LYPLA1: variants seen among roughly 807,000 people sequenced by gnomAD.
LYPLA1 encodes the protein acyl-protein thioesterase 1.
A neutral mutation model predicts 34.0 loss-of-function variants in LYPLA1; 17 were observed. The observed-to-expected ratio is 0.50, with a 90% CI of 0.34 to 0.75. The LOEUF (loss-of-function observed/expected upper bound fraction) is 0.75, where lower values mean the gene tolerates loss of function less well. LYPLA1 is among the 30% of genes least tolerant of loss of function. The probability of loss-of-function intolerance (pLI) is 0.01; values close to 1 mark genes in which losing one functional copy is unlikely to be tolerated. For synonymous variants in LYPLA1, 98 were observed against 100.8 expected (o/e 0.97, Z 0.17); for missense variants, 203 against 288.8 (o/e 0.70, Z 2.15).
At chr8:54,053,571 G>A (rs1047429341) in intron 6 of LYPLA1, 8 of 456,076 alleles carry the variant, frequency 1.8e-5, no homozygotes, top group African/African-American at 1.4e-4. Flanking sequence ...CAACACATGA[G>A]TACACGAGAG....
intron 3 of LYPLA1, among the ~76,000 whole-genome samples, chr8:54,064,795 G>A (rs1216155613): frequency 6.6e-6 from 1 of 151,876 alleles, no homozygotes; most frequent in Non-Finnish European, 1.5e-5. Flanking sequence ...GAATTGTCTT[G>A]GGCCACACAT....
chr8:54,101,897 C>G lies in LYPLA1; in HGVS notation c.-74G>C, dbSNP rs1410462493. 6 of 937,568 alleles carry G rather than the reference C, an allele frequency of 6.4e-6. No individual in the cohort carries two copies. The African/African-American group carries it at 1.1e-4, about 17-fold the overall frequency. The allele number at this position is 937,568 out of a possible 1,614,324, so 58.1% of individuals were successfully genotyped here. A position where few individuals can be genotyped will look rare whatever the true frequency, so the allele number is the denominator to read the frequency against. On this transcript the variant is annotated 5_prime_UTR_variant, in exon 1 of 9. Transcript: ENST00000316963. ...CCGCGGCCCAAGGGCGTGCGAGCGG[C>G]GAGTCCCGGCCGGCCCCACCGGGCG...
chr8:54,078,887 C>CCT (rs1554546443), intron 2 of LYPLA1, among the ~76,000 whole-genome samples: 14 of 149,172 alleles, frequency 9.4e-5, no homozygotes, highest in Non-Finnish European at 1.8e-4. Context: ...AACCCCCCCC[C>CCT]TTTTTTTTTG....
At chr8:54,077,598 C>T (rs547627945) in intron 2 of LYPLA1, among the ~76,000 whole-genome samples, 2 of 152,080 alleles carry the variant, frequency 1.3e-5, no homozygotes, top group Non-Finnish European at 2.9e-5. Flanking sequence ...GAGATACAGA[C>T]CAGCCTGGCC....
chr8:54,075,723 ACT>A (rs1376269095), intron 2 of LYPLA1, among the ~76,000 whole-genome samples: 1 of 152,162 alleles, frequency 6.6e-6, no homozygotes, highest in Admixed American at 6.6e-5. Flanking sequence ...AGATGTAATC[ACT>A]CTGACACAGT....
At chr8:54,058,842 T>G (rs1806395209) in intron 5 of LYPLA1, among the ~76,000 whole-genome samples, 1 of 152,106 alleles carries the variant, frequency 6.6e-6, no homozygotes, top group Admixed American at 6.6e-5. Context: ...GTGCTAGGAT[T>G]ACAGGTATGA....
chr8:54,076,078 T>C (rs749947783), intron 2 of LYPLA1, among the ~76,000 whole-genome samples: 18 of 152,216 alleles, frequency 1.2e-4, no homozygotes, highest in Non-Finnish European at 2.5e-4. Context: ...CACAGCAGTA[T>C]AGTGGCACCT....
In LYPLA1 at chr8:54,065,819, G is replaced by A; in HGVS notation, c.102-6C>T. ...AGGCTTCTGCCCATCCGTGCCTGGT[G>A]GAAAAATCATTGAATAATGCTATTA... On this transcript the variant is annotated splice_polypyrimidine_tract_variant and splice_region_variant and intron_variant, in intron 2 of 8. Coordinates refer to ENST00000316963, the MANE Select transcript of LYPLA1 (RefSeq NM_006330.4). 2 of 1,601,024 alleles carry A rather than the reference G, an allele frequency of 1.2e-6. No individual in the cohort carries two copies. The highest frequency in any genetic ancestry group is 1.7e-6 in the Non-Finnish European group (2 of 1,168,174).
chr8:54,061,494 C>T lies in LYPLA1; in HGVS notation c.286+760G>A, dbSNP rs117756957. 6.9e-3 allele frequency among the ~76,000 whole-genome samples: 1,051 copies of T among 152,290 alleles called. 7 individuals are homozygous for T. Among genetic ancestry groups the T allele is most frequent in the Non-Finnish European group, 0.012 (784 of 68,022 alleles). ...TTGATAAATGCCATTTGTCCCCATCCACCTCATCTCCATTGCCTATACTCA... is the reference window on the plus strand; with the variant it reads ...TTGATAAATGCCATTTGTCCCCATCTACCTCATCTCCATTGCCTATACTCA... On this transcript the variant is annotated intron_variant, in intron 5 of 8. Transcript: ENST00000316963.
chr8:54,057,292 G>C (rs974176118), intron 5 of LYPLA1, among the ~76,000 whole-genome samples: 4 of 151,996 alleles, frequency 2.6e-5, no homozygotes, highest in African/African-American at 9.7e-5. Context: ...AACTATATTT[G>C]GGTATATATC....
rs758510422 is a variant in LYPLA1 at position 54,100,943 on chromosome 8, TAAGAG to T, written c.70-9_70-5del. 1.4e-5 allele frequency: 23 copies of T among 1,608,024 alleles called. No individual in the cohort carries two copies. Among genetic ancestry groups the T allele is most frequent in the East Asian group, 4.5e-5 (2 of 44,850 alleles). Reference sequence around the variant, plus strand: ...CCAATCCATGCAGGAAAATCACCTATAAGAGAAGAGGAAAATTAATAAGCAATGCC... The same window carrying T: ...CCAATCCATGCAGGAAAATCACCTATAAGAGGAAAATTAATAAGCAATGCC... On this transcript the variant is annotated splice_region_variant and splice_polypyrimidine_tract_variant and intron_variant, in intron 1 of 8. Transcript: ENST00000316963.
rs545444831 is a variant in LYPLA1, at chr8:54,062,147, C to CT, written c.286+106_286+107insA. On this transcript the variant is annotated intron_variant, in intron 5 of 8. Transcript: ENST00000316963. ...TACTGGGATTACAGGCGTGAGCCAC[C>CT]GTGCCCGGCCCAAATGTGTAATTTT... is the stretch of plus-strand genomic sequence containing the variant. 52 of 771,692 alleles carry CT rather than the reference C, an allele frequency of 6.7e-5. No homozygotes were observed. The South Asian group carries it at 8.5e-4, about 13-fold the overall frequency. The allele number at this position is 771,692 out of a possible 1,614,324, so 47.8% of individuals were successfully genotyped here. A position where few individuals can be genotyped will look rare whatever the true frequency, so the allele number is the denominator to read the frequency against.
At chr8:54,057,600 G>A (rs1045288906) in intron 5 of LYPLA1, among the ~76,000 whole-genome samples, 1 of 152,138 alleles carries the variant, frequency 6.6e-6, no homozygotes, top group Non-Finnish European at 1.5e-5. Flanking sequence ...TTTTTTGTGG[G>A]ATCTAAAACT....
intron 5 of LYPLA1, among the ~76,000 whole-genome samples, chr8:54,061,555 C>CA (rs1158512159): frequency 2.0e-5 from 3 of 152,164 alleles, no homozygotes; most frequent in Non-Finnish European, 4.4e-5. Flanking sequence ...AAACAAGTAA[C>CA]AGAGTGACCA....
rs537564461 is a variant in LYPLA1 at position 54,078,994 on chromosome 8, T to C, written c.102-13181A>G. Among the ~76,000 whole-genome samples, 5 of 152,252 alleles carry C rather than the reference T, an allele frequency of 3.3e-5. No homozygotes were observed. The East Asian group carries it at 9.7e-4, about 29-fold the overall frequency. On this transcript the variant is annotated intron_variant, in intron 2 of 8. Coordinates refer to ENST00000316963, the MANE Select transcript of LYPLA1 (RefSeq NM_006330.4). ...CAGTGTTAACAGCCACTAAGTTTTC[T>C]TCTTTTTTTGTGAGACAGTTTTGCT...
Position 54,062,239 on chromosome 8 carries a change from A to C in LYPLA1, c.286+15T>G. The C allele has an allele frequency of 6.4e-7, 1 of 1,558,032 alleles. No individual in the cohort carries two copies. The highest frequency in any genetic ancestry group is 1.7e-4 in the Middle Eastern group (1 of 5,894). ...TAAGAACACTTTTGGCTTTATAAAC[A>C]TTTTCTGTACTTACTATTTTCTGCT... is the stretch of plus-strand genomic sequence containing the variant. On this transcript the variant is annotated intron_variant, in intron 5 of 8. Coordinates refer to ENST00000316963, the MANE Select transcript of LYPLA1 (RefSeq NM_006330.4).
intron 2 of LYPLA1, among the ~76,000 whole-genome samples, chr8:54,080,780 G>A (rs1808257203): frequency 6.6e-6 from 1 of 152,112 alleles, no homozygotes; most frequent in South Asian, 2.1e-4. Context: ...TAGAGACAAG[G>A]TTTCACCATG....
downstream of LYPLA1, chr8:54,046,220 T>A (rs1247049935): frequency 6.6e-6 from 1 of 152,214 alleles, no homozygotes; most frequent in Admixed American, 6.5e-5. Flanking sequence ...TTATTTCTTA[T>A]GCCTGGTTCC....
At chr8:54,095,129 T>C (rs774262679) in intron 2 of LYPLA1, among the ~76,000 whole-genome samples, 1 of 151,698 alleles carries the variant, frequency 6.6e-6, no homozygotes, top group Non-Finnish European at 1.5e-5. Flanking sequence ...CCCAAGTAGA[T>C]GGGACAACAG....
Sources: allele counts gnomAD v4.1 joint callset (sites outside exome capture counted in the v4.1 genomes callset), GRCh38; gene constraint gnomAD v4.1.1; transcripts MANE v1.5; gene names NCBI Gene and HGNC (gene_info 2026-07-23, HGNC 2026-07-21).